The following CATSPER3 variants were observed in gnomAD, a reference collection of about 807,000 sequenced individuals.
CATSPER3 encodes the protein cation channel sperm-associated protein 3.
In CATSPER3, 23 loss-of-function variants were observed where a neutral mutation model predicts 36.6. The ratio of observed to expected loss-of-function variants is 0.63; its 90% confidence interval spans 0.45 to 0.89. The LOEUF (loss-of-function observed/expected upper bound fraction) is 0.89. Among genes scored for constraint, CATSPER3 ranks in the 40% least tolerant of loss-of-function variants. CATSPER3 has a pLI of 0.00. For synonymous variants in CATSPER3, 172 were observed against 184.1 expected (o/e 0.93, Z 0.53); for missense variants, 474 against 503.9 (o/e 0.94, Z 0.57).
chr5:134,979,919 C>G (rs1034095135), intron 2 of CATSPER3, among the ~76,000 whole-genome samples: 1 of 149,714 alleles, frequency 6.7e-6, no homozygotes, highest in African/African-American at 2.5e-5. Context: ...ACTTTTCTTC[C>G]TCCCTCCCTC....
intron 2 of CATSPER3, among the ~76,000 whole-genome samples, chr5:134,986,836 AAACAT>A (rs1751817762): frequency 6.6e-6 from 1 of 152,238 alleles, no homozygotes; most frequent in African/African-American, 2.4e-5. Flanking sequence ...TGAAAATAAA[AAACAT>A]AACAAAACTC....
In CATSPER3 at chr5:135,008,108, C is replaced by T. The variant is rs1252607302; in HGVS notation, c.644C>T (p.Ala215Val). The T allele has an allele frequency of 2.5e-6, 4 of 1,614,126 alleles. No homozygotes were observed. The highest frequency in any genetic ancestry group is 3.4e-6 in the Non-Finnish European group (4 of 1,180,000). ...CATGATAACTGGGGGAACCTGGCTG[C>T]AGCTTTTTTCACCCTCTTCAGCTTG... Reference protein sequence around the residue: ...GDHDNWGNLAAAFFTLFSLAT... With the variant: ...GDHDNWGNLAVAFFTLFSLAT... The change falls in exon 4 of 8, where the codon GCA becomes GTA. Residue 215 changes from alanine to valine, a missense_variant. By Grantham distance (64) the Ala-to-Val change is moderately conservative. Transcript: ENST00000282611.
intron 2 of CATSPER3, among the ~76,000 whole-genome samples, chr5:134,980,994 C>G (rs116137249): frequency 0.013 from 1,926 of 152,268 alleles, 29 homozygotes; most frequent in African/African-American, 0.044. Flanking sequence ...CACTGGGATT[C>G]AGGCATGAGT....
At chr5:134,986,991 A>G (rs1022592211) in intron 2 of CATSPER3, among the ~76,000 whole-genome samples, 4 of 152,204 alleles carry the variant, frequency 2.6e-5, no homozygotes, top group East Asian at 1.9e-4. Flanking sequence ...TAAAGCTAGC[A>G]GAAGGAAGGA....
At chr5:134,986,023 T>C (rs1751804230) in intron 2 of CATSPER3, among the ~76,000 whole-genome samples, 1 of 152,076 alleles carries the variant, frequency 6.6e-6, no homozygotes, top group Non-Finnish European at 1.5e-5. Flanking sequence ...TATAATGAAT[T>C]CTACCAGTCA....
chr5:134,970,529 G>A (rs1751589945), intron 2 of CATSPER3, among the ~76,000 whole-genome samples: 1 of 151,452 alleles, frequency 6.6e-6, no homozygotes, highest in South Asian at 2.1e-4. Context: ...TCTAAAATCT[G>A]GGAAGAGGGT....
rs751009312 is a variant in CATSPER3, at chr5:134,968,013, C to T, written c.22C>T (p.Arg8Cys). 44 of 1,613,904 alleles carry T rather than the reference C, an allele frequency of 2.7e-5. No homozygotes were observed. Among genetic ancestry groups the T allele is most frequent in the Non-Finnish European group, 3.5e-5 (41 of 1,179,806 alleles). The change falls in exon 1 of 8, where the codon CGC becomes TGC. Residue 8 changes from arginine to cysteine, a missense_variant. Transcript: ENST00000282611. ...GAAAATGTCTCAACACCGTCACCAG[C>T]GCCACTCGAGAGTCATTTCTAGTTC... The part of the protein sequence containing the change: MSQHRHQ[R>C]HSRVISSSPV...
chr5:134,982,949 A>G (rs182716701), intron 2 of CATSPER3, among the ~76,000 whole-genome samples: 2 of 152,356 alleles, frequency 1.3e-5, no homozygotes, highest in East Asian at 3.9e-4. Flanking sequence ...CAGAATTGTT[A>G]TATACTATTG....
chr5:134,976,205 C>T (rs1751670284), intron 2 of CATSPER3, among the ~76,000 whole-genome samples: 2 of 152,200 alleles, frequency 1.3e-5, no homozygotes, highest in Admixed American at 1.3e-4. Context: ...ATAGTACCAG[C>T]ATCTGCTTCT....
At position 134,977,741 on chromosome 5, in the gene CATSPER3, A is replaced by G. The variant is rs143807124; in HGVS notation, c.252+7649A>G. 8.7e-3 allele frequency among the ~76,000 whole-genome samples: 1,325 copies of G among 152,312 alleles called. 14 individuals are homozygous for G. The highest frequency in any genetic ancestry group is 0.03 in the African/African-American group (1,261 of 41,562). On this transcript the variant is annotated intron_variant, in intron 2 of 7. Transcript: ENST00000282611. ...TTAGTTTTTGTGTTGCTGTAAAGAA[A>G]TACCTGAGGCTGAGTAATTTATAAA...
intron 2 of CATSPER3, among the ~76,000 whole-genome samples, chr5:134,987,186 T>C (rs1473191032): frequency 1.3e-5 from 2 of 152,162 alleles, no homozygotes; most frequent in Admixed American, 6.5e-5. Context: ...TTTCTACTGA[T>C]CTTATAGAAG....
intron 2 of CATSPER3, among the ~76,000 whole-genome samples, chr5:134,986,024 C>T (rs1329845866): frequency 6.6e-6 from 1 of 152,000 alleles, no homozygotes; most frequent in Non-Finnish European, 1.5e-5. Flanking sequence ...ATAATGAATT[C>T]TACCAGTCAC....
Position 134,968,109 on chromosome 5 carries a change from A to C in CATSPER3, c.98+20A>C. 22 of 1,515,508 alleles carry C rather than the reference A, an allele frequency of 1.5e-5. No homozygotes were observed. Among genetic ancestry groups the C allele is most frequent in the East Asian group, 2.3e-5 (1 of 44,374 alleles). 93.9% of individuals were successfully genotyped at this position (1,515,508 alleles called of 1,614,324 possible). A position where few individuals can be genotyped will look rare whatever the true frequency, so the allele number is the denominator to read the frequency against. ...ATTTAAGTAAATATTATCTATCTCC[A>C]TTGCCTGTTAAGAAATGTGCTAGTA... is the stretch of plus-strand genomic sequence containing the variant. On this transcript the variant is annotated intron_variant, in intron 1 of 7. Transcript: ENST00000282611.
At chr5:134,975,718 G>T (rs1751665353) in intron 2 of CATSPER3, among the ~76,000 whole-genome samples, 1 of 152,198 alleles carries the variant, frequency 6.6e-6, no homozygotes, top group Admixed American at 6.5e-5. Flanking sequence ...ACAACATTAT[G>T]GAGGTTCCTC....
At position 134,978,460 on chromosome 5, in the gene CATSPER3, G is replaced by A. The variant is rs1025293865; in HGVS notation, c.252+8368G>A. Among the ~76,000 whole-genome samples the A allele has an allele frequency of 4.6e-5, 7 of 151,810 alleles. No individual in the cohort carries two copies. In the Middle Eastern group the frequency reaches 0.01, roughly 221 times the overall value. ...TATGTCAATTAAAAACAAAATAAAC[G>A]TTAAAAAACAAAACACAATCTATAA... On this transcript the variant is annotated intron_variant, in intron 2 of 7. Coordinates refer to ENST00000282611, the MANE Select transcript of CATSPER3 (RefSeq NM_178019.3).
At chr5:134,979,448 G>C (rs1006791471) in intron 2 of CATSPER3, among the ~76,000 whole-genome samples, 1 of 152,152 alleles carries the variant, frequency 6.6e-6, no homozygotes, top group Admixed American at 6.5e-5. Context: ...TTAAAGAATT[G>C]TATTGGTCCA....
chr5:134,995,550 A>G (rs905479877), intron 2 of CATSPER3: 3 of 156,838 alleles, frequency 1.9e-5, no homozygotes, highest in Admixed American at 1.8e-4. Context: ...TGTCTCTCCT[A>G]CTAGACTGTA....
Position 135,010,406 on chromosome 5 carries a change from G to T in CATSPER3, c.970G>T (p.Val324Leu). 2 of 1,614,166 alleles carry T rather than the reference G, an allele frequency of 1.2e-6. No homozygotes were observed. Among genetic ancestry groups the T allele is most frequent in the South Asian group, 1.1e-5 (1 of 91,080 alleles). The stretch of plus-strand genomic sequence containing the variant: ...TGACTGCACAAGTTTCAGTGAGCTG[G>T]TGGAGAACTTTAAGAAGACCTTGAG... ...NADCTSFSEL[V>L]ENFKKTLSHT... The change falls in exon 7 of 8, where the codon GTG becomes TTG. Residue 324 changes from valine to leucine, a missense_variant. Val to Leu is a conservative substitution (Grantham distance 32). Transcript: ENST00000282611.
Position 134,968,024 on chromosome 5 carries a change from A to C in CATSPER3, c.33A>C (p.Arg11Ser). The C allele has an allele frequency of 6.2e-7, 1 of 1,614,082 alleles. No individual in the cohort carries two copies. The highest frequency in any genetic ancestry group is 8.5e-7 in the Non-Finnish European group (1 of 1,179,964). The change falls in exon 1 of 8, where the codon AGA (arginine) becomes AGC (serine). Residue 11 changes from arginine (R) to serine (S), a missense_variant. Coordinates refer to ENST00000282611, the MANE Select transcript of CATSPER3 (RefSeq NM_178019.3). Reference protein sequence around the residue: MSQHRHQRHSRVISSSPVDTT... With the variant: MSQHRHQRHSSVISSSPVDTT... Reference sequence around the variant, plus strand: ...AACACCGTCACCAGCGCCACTCGAGAGTCATTTCTAGTTCACCAGTTGACA... The same window carrying C: ...AACACCGTCACCAGCGCCACTCGAGCGTCATTTCTAGTTCACCAGTTGACA...
Sources: gnomAD v4.1 joint callset for allele counts (sites outside exome capture counted in the v4.1 genomes callset) on GRCh38, gnomAD v4.1.1 for gene constraint, MANE v1.5 for transcripts, NCBI Gene and HGNC (gene_info 2026-07-23, HGNC 2026-07-21) for gene names.